Variants in LMNTD1 observed in about 807,000 individuals in gnomAD.
The protein encoded by LMNTD1 is lamin tail domain-containing protein 1.
LMNTD1 carries 35 observed loss-of-function variants against 50.9 expected under a neutral mutation model. That is an observed-to-expected ratio of 0.69 (90% CI 0.53 to 0.91). The LOEUF (loss-of-function observed/expected upper bound fraction) is 0.91, where lower values mean the gene tolerates loss of function less well. LMNTD1 is among the 40% of genes least tolerant of loss of function. The pLI is 0.00. For missense variants in LMNTD1, 470 were observed against 475.5 expected (o/e 0.99, Z 0.11); for synonymous variants, 153 against 161.9 (o/e 0.94, Z 0.42).
At chr12:25,602,667 A>G (rs571282430) in intron 1 of LMNTD1, among the ~76,000 whole-genome samples, 2 of 152,120 alleles carry the variant, frequency 1.3e-5, no homozygotes, top group East Asian at 3.9e-4. Flanking sequence ...GATCTGATAC[A>G]ACTGCCTTTA....
upstream of LMNTD1, among the ~76,000 whole-genome samples, chr12:25,554,636 G>A (rs890859402): frequency 6.6e-6 from 1 of 152,136 alleles, no homozygotes; most frequent in African/African-American, 2.4e-5. Context: ...GATTCGGGTC[G>A]GGTATTAGTG....
At chr12:25,494,828 ATACT>A (rs1420169036) in intron 9 of LMNTD1, among the ~76,000 whole-genome samples, 5 of 152,202 alleles carry the variant, frequency 3.3e-5, no homozygotes, top group African/African-American at 9.6e-5. Context: ...TTATGCTCAC[ATACT>A]TAACATTTGT....
At chr12:25,583,618 C>A (rs1041298071) in intron 1 of LMNTD1, among the ~76,000 whole-genome samples, 2 of 152,126 alleles carry the variant, frequency 1.3e-5, no homozygotes, top group East Asian at 3.9e-4. Flanking sequence ...AATATTTTGT[C>A]CTTGTAATCT....
chr12:25,609,373 G>A (rs1486144741), intron 1 of LMNTD1, among the ~76,000 whole-genome samples: 1 of 152,180 alleles, frequency 6.6e-6, no homozygotes, highest in Non-Finnish European at 1.5e-5. Flanking sequence ...TTGCTCGTGA[G>A]GAGCTGCAAT....
At chr12:25,607,206 G>C (rs1946131068) in intron 1 of LMNTD1, among the ~76,000 whole-genome samples, 1 of 152,028 alleles carries the variant, frequency 6.6e-6, no homozygotes, top group Non-Finnish European at 1.5e-5. Flanking sequence ...TATTGCATCT[G>C]TTTGATTCTT....
intron 1 of LMNTD1, among the ~76,000 whole-genome samples, chr12:25,560,989 T>G (rs1944283136): frequency 6.6e-6 from 1 of 152,226 alleles, no homozygotes; most frequent in Admixed American, 6.5e-5. Flanking sequence ...CAGGGACAAT[T>G]TGACTTTCTC....
At chr12:25,536,181 A>C (rs772298188) in intron 4 of LMNTD1, among the ~76,000 whole-genome samples, 4 of 152,116 alleles carry the variant, frequency 2.6e-5, no homozygotes, top group Admixed American at 6.5e-5. Context: ...ACAAGTAGAC[A>C]AAAAAATCAG....
chr12:25,519,951 G>T lies in LMNTD1; in HGVS notation c.923C>A (p.Ala308Glu). The T allele has an allele frequency of 6.2e-7, 1 of 1,612,730 alleles. No homozygotes were observed. Among genetic ancestry groups the T allele is most frequent in the African/African-American group, 1.3e-5 (1 of 74,892 alleles). The change falls in exon 7 of 10, where the codon GCA (alanine) becomes GAA (glutamate). Residue 308 changes from alanine to glutamate, a missense_variant. Physicochemically the swap from Ala to Glu is moderately radical, Grantham distance 107. Transcript: ENST00000458174. Reference sequence around the variant, plus strand: ...TTCTTTAGTTATTGTAGCTGTAGATGCTGTCCACTGAAACACACGCTTTCG... The same window carrying T: ...TTCTTTAGTTATTGTAGCTGTAGATTCTGTCCACTGAAACACACGCTTTCG... ...TFRKRVFQWT[A>E]STATITKEKQ... is the part of the protein sequence containing the mutation.
intron 9 of LMNTD1, among the ~76,000 whole-genome samples, chr12:25,502,234 CT>C (rs375999969): frequency 1.2e-4 from 18 of 151,774 alleles, no homozygotes; most frequent in East Asian, 1.9e-4. Flanking sequence ...AATTCCCCCC[CT>C]TTTTTTTTGT....
chr12:25,647,578 TA>T (rs1210106945), intron 1 of LMNTD1, among the ~76,000 whole-genome samples: 1 of 152,186 alleles, frequency 6.6e-6, no homozygotes, highest in Non-Finnish European at 1.5e-5. Flanking sequence ...AATATAAGTT[TA>T]AAAAATAAAA....
At chr12:25,583,461 G>A (rs984140690) in intron 1 of LMNTD1, among the ~76,000 whole-genome samples, 11 of 151,952 alleles carry the variant, frequency 7.2e-5, no homozygotes, top group Admixed American at 5.9e-4. Flanking sequence ...AACCACACCT[G>A]GCCAAAAATA....
intron 9 of LMNTD1, among the ~76,000 whole-genome samples, chr12:25,501,299 G>A (rs775130858): frequency 8.5e-5 from 13 of 152,190 alleles, no homozygotes; most frequent in East Asian, 1.9e-4. Flanking sequence ...CCATGAGATC[G>A]AACTTTCATT....
At chr12:25,644,829 T>G (rs952319456) in intron 1 of LMNTD1, among the ~76,000 whole-genome samples, 1 of 152,316 alleles carries the variant, frequency 6.6e-6, no homozygotes, top group African/African-American at 2.4e-5. Flanking sequence ...ACATTTCTCC[T>G]GTTTCAAAAA....
chr12:25,585,336 G>C (rs1945474573), intron 1 of LMNTD1, among the ~76,000 whole-genome samples: 1 of 152,170 alleles, frequency 6.6e-6, no homozygotes, highest in South Asian at 2.1e-4. Context: ...GCTGAATTTA[G>C]ATGTAGGAAA....
At chr12:25,517,015 C>T (rs993588573) in intron 8 of LMNTD1, among the ~76,000 whole-genome samples, 1 of 141,520 alleles carries the variant, frequency 7.1e-6, no homozygotes, top group African/African-American at 2.6e-5. Flanking sequence ...GAGATACCAT[C>T]TCACACCAGT....
intron 9 of LMNTD1, among the ~76,000 whole-genome samples, chr12:25,497,016 C>T (rs1939098977): frequency 6.6e-6 from 1 of 152,020 alleles, no homozygotes; most frequent in African/African-American, 2.4e-5. Context: ...AGTTTATCCA[C>T]GTTGTAGCAT....
rs796827249 is a variant in LMNTD1 at position 25,622,467 on chromosome 12, GC to G, written c.58+26026del. The stretch of plus-strand genomic sequence containing the variant: ...CCCTTGACCTTGAGTTTGTGAGCCC[GC>G]CCCCCCCCGCAAAATAATATCAACA... On this transcript the variant is annotated intron_variant, in intron 1 of 7. Transcript: ENST00000445693. Among the ~76,000 whole-genome samples, 109 of 92,954 alleles carry G rather than the reference GC, an allele frequency of 1.2e-3. 6 individuals are homozygous for G. The highest frequency in any genetic ancestry group is 0.015 in the Middle Eastern group (2 of 132). 61.0% of individuals were successfully genotyped at this position (92,954 alleles called of 152,430 possible). A position where few individuals can be genotyped will look rare whatever the true frequency, so the allele number is the denominator to read the frequency against.
At chr12:25,478,698 A>G (rs1283402381) in intron 9 of LMNTD1, among the ~76,000 whole-genome samples, 1 of 152,146 alleles carries the variant, frequency 6.6e-6, no homozygotes, top group Non-Finnish European at 1.5e-5. Context: ...AGGCAGGAGA[A>G]TCACTTCAAC....
At chr12:25,526,709 A>G (rs1046673392) in intron 5 of LMNTD1, 60 bp downstream of exon 5, 1 of 1,108,568 alleles carries the variant, frequency 9.0e-7, no homozygotes. Flanking sequence ...ACAGACTGTC[A>G]GTGTCAACAA....
Sources: gnomAD v4.1 joint callset for allele counts (sites outside exome capture counted in the v4.1 genomes callset) on GRCh38, gnomAD v4.1.1 for gene constraint, MANE v1.5 for transcripts, NCBI Gene and HGNC (gene_info 2026-07-23, HGNC 2026-07-21) for gene names.